The following SCN8A variants were observed in gnomAD, a reference collection of about 807,000 sequenced individuals.
SCN8A encodes sodium voltage-gated channel alpha subunit 8.
SCN8A carries 30 observed loss-of-function variants against 184.1 expected under a neutral mutation model. The ratio of observed to expected loss-of-function variants is 0.16; its 90% CI spans 0.12 to 0.22. SCN8A has a LOEUF of 0.22. Ranked by LOEUF, SCN8A falls within the 10% of genes least tolerant of loss-of-function variation. SCN8A has a pLI of 1.00. For missense variants in SCN8A, 1,057 were observed against 2,498.9 expected, an observed-to-expected ratio of 0.42 and a Z score of 12.30; for synonymous variants, 852 against 907.0, an observed-to-expected ratio of 0.94 and a Z score of 1.09.
chr12:51,605,010 A>C (rs1908017), intron 1 of SCN8A, among the ~76,000 whole-genome samples: 133,303 of 152,176 alleles, frequency 0.88, 58,618 homozygotes, highest in East Asian at 0.99. Context: ...CGTCCACCCT[A>C]AAGTAGGCCC....
chr12:51,791,828 T>G (rs1007242754), intron 25 of SCN8A, among the ~76,000 whole-genome samples: 33 of 152,160 alleles, frequency 2.2e-4, no homozygotes, highest in African/African-American at 7.7e-4. Context: ...CAGTGAGCCA[T>G]GACCGTGCCA....
intron 26 of SCN8A, among the ~76,000 whole-genome samples, chr12:51,803,797 A>G (rs970558891): frequency 6.6e-6 from 1 of 152,200 alleles, no homozygotes; most frequent in Non-Finnish European, 1.5e-5. Context: ...TGGCTAAGGT[A>G]GAGATTTTCT....
At chr12:51,672,313 C>T (rs1941146956) in intron 2 of SCN8A, among the ~76,000 whole-genome samples, 1 of 152,142 alleles carries the variant, frequency 6.6e-6, no homozygotes, top group African/African-American at 2.4e-5. Flanking sequence ...AAGATCTTCC[C>T]AATAACATCT....
chr12:51,775,774 C>T (rs1420126758), intron 20 of SCN8A, among the ~76,000 whole-genome samples: 1 of 152,182 alleles, frequency 6.6e-6, no homozygotes, highest in Non-Finnish European at 1.5e-5. Flanking sequence ...GACTACCTGG[C>T]GTCAGGTGGG....
At chr12:51,734,122 T>G (rs1353372373) in intron 12 of SCN8A, among the ~76,000 whole-genome samples, 1 of 152,244 alleles carries the variant, frequency 6.6e-6, no homozygotes, top group Non-Finnish European at 1.5e-5. Context: ...TTTGGGGTTT[T>G]GTTTGCCCTT....
chr12:51,767,860 A>G (rs1257627214), intron 16 of SCN8A, among the ~76,000 whole-genome samples: 4 of 152,124 alleles, frequency 2.6e-5, no homozygotes, highest in Non-Finnish European at 4.4e-5. Context: ...GACTCTTTCA[A>G]ATCTCTGTCA....
At chr12:51,626,523 C>T (rs113331569) in intron 1 of SCN8A, among the ~76,000 whole-genome samples, 2 of 152,044 alleles carry the variant, frequency 1.3e-5, no homozygotes, top group Non-Finnish European at 2.9e-5. Flanking sequence ...TCAAGGAGCT[C>T]GTGATATATC....
chr12:51,716,904 A>G (rs549633680), intron 11 of SCN8A, among the ~76,000 whole-genome samples: 2 of 152,302 alleles, frequency 1.3e-5, no homozygotes, highest in East Asian at 3.9e-4. Context: ...TCACTAAGCC[A>G]ATATTTCCCT....
intron 1 of SCN8A, among the ~76,000 whole-genome samples, chr12:51,602,640 A>G (rs1312132867): frequency 6.6e-6 from 1 of 152,194 alleles, no homozygotes; most frequent in Admixed American, 6.5e-5. Context: ...CAATCAATCA[A>G]TCAATATAAA....
At chr12:51,675,148 C>T (rs542613324) in intron 2 of SCN8A, among the ~76,000 whole-genome samples, 2 of 152,292 alleles carry the variant, frequency 1.3e-5, no homozygotes, top group Admixed American at 1.3e-4. Flanking sequence ...AAATTTATAT[C>T]GAAGGACAAC....
At chr12:51,622,419 T>C (rs1565862813) in intron 1 of SCN8A, among the ~76,000 whole-genome samples, 1 of 152,242 alleles carries the variant, frequency 6.6e-6, no homozygotes, top group Admixed American at 6.5e-5. Flanking sequence ...TTATGTCTCC[T>C]TAGTCTCTTC....
rs181269757 is a variant in SCN8A, at chr12:51,610,043, G to T, written c.-55+18684G>T. The stretch of plus-strand genomic sequence containing the variant: ...AAATAAGCCGGGCATGGTGGCGCAT[G>T]CCTGTAATCCCAGCTACTCCGGAGG... On this transcript the variant is annotated intron_variant, in intron 1 of 26. Transcript: ENST00000627620. Among the ~76,000 whole-genome samples the T allele has an allele frequency of 3.6e-3, 549 of 151,822 alleles. 4 individuals carry two copies. Among genetic ancestry groups the T allele is most frequent in the African/African-American group, 0.012 (515 of 41,454 alleles).
rs1260376757 is a variant in SCN8A at position 51,810,249 on chromosome 12, C to G, written c.*2820C>G. ...CACCTCCGCTGTATTTGAAGTTTCA[C>G]TTTTTAAAAAAAAAATGTTTCCCAC... On this transcript the variant is annotated 3_prime_UTR_variant, in exon 27 of 27. Coordinates refer to ENST00000627620, the MANE Select transcript of SCN8A (RefSeq NM_001330260.2). The G allele has an allele frequency of 1.6e-5, 4 of 248,954 alleles. No individual in the cohort carries two copies. Among genetic ancestry groups the G allele is most frequent in the Non-Finnish European group, 1.7e-5 (2 of 121,014 alleles). The allele number at this position is 248,954 out of a possible 1,614,324, so 15.4% of individuals were successfully genotyped here.
intron 6 of SCN8A, among the ~76,000 whole-genome samples, chr12:51,690,388 C>T (rs1200356191): frequency 6.6e-6 from 1 of 152,170 alleles, no homozygotes; most frequent in African/African-American, 2.4e-5. Context: ...GACAGGGTCT[C>T]ACTCTGTTGC....
chr12:51,713,376 GC>G, intron 11 of SCN8A: 1 of 991,734 alleles, frequency 1.0e-6, no homozygotes, highest in Non-Finnish European at 1.6e-6. Context: ...CAAAACCAAA[GC>G]CCCTGGACCA....
chr12:51,728,731 C>CA (rs10560307), intron 12 of SCN8A, among the ~76,000 whole-genome samples: 2,806 of 140,168 alleles, frequency 0.02, 74 homozygotes, highest in African/African-American at 0.069. Flanking sequence ...CCCTGTTTCC[C>CA]AAAAAAAAAA....
At chr12:51,608,840 C>A (rs961799566) in intron 1 of SCN8A, among the ~76,000 whole-genome samples, 2 of 152,130 alleles carry the variant, frequency 1.3e-5, no homozygotes, top group African/African-American at 4.8e-5. Context: ...TCAGTTTATG[C>A]TCTTACAGTC....
At chr12:51,735,001 C>G (rs1942301395) in intron 12 of SCN8A, among the ~76,000 whole-genome samples, 1 of 152,140 alleles carries the variant, frequency 6.6e-6, no homozygotes, top group East Asian at 1.9e-4. Context: ...TTGCAATATC[C>G]AAAGGCAAGT....
In SCN8A at chr12:51,793,001, G is replaced by A. The variant is rs150894768; in HGVS notation, c.4525-1370G>A. Among the ~76,000 whole-genome samples the A allele has an allele frequency of 4.9e-3, 749 of 152,012 alleles. 1 individual carries two copies. The highest frequency in any genetic ancestry group is 0.017 in the African/African-American group (687 of 41,480). The stretch of plus-strand genomic sequence containing the variant: ...CAAGTGATCAATTTTGGGAGGCCTC[G>A]GCCTCCCAAAGTGCTGGGATTACAG... On this transcript the variant is annotated intron_variant, in intron 25 of 26. Transcript: ENST00000627620.
Sources: allele counts gnomAD v4.1 joint callset (sites outside exome capture counted in the v4.1 genomes callset), GRCh38; gene constraint gnomAD v4.1.1; transcripts MANE v1.5; gene names NCBI Gene and HGNC (gene_info 2026-07-23, HGNC 2026-07-21).